Variants in TAFA1 observed in about 807,000 individuals in gnomAD.
TAFA1 encodes chemokine-like protein TAFA-1.
Under a neutral mutation model 18.5 loss-of-function variants are expected in TAFA1, and 4 were observed. The observed-to-expected ratio is 0.22, with a 90% CI of 0.11 to 0.49. TAFA1 has a LOEUF of 0.49. Ranked by LOEUF, TAFA1 falls within the 20% of genes least tolerant of loss-of-function variation. TAFA1 has a pLI of 0.98. For synonymous variants in TAFA1, 56 were observed against 55.2 expected, an observed-to-expected ratio of 1.01 and a Z score of -0.06; for missense variants, 147 against 169.0, an observed-to-expected ratio of 0.87 and a Z score of 0.72.
intron 2 of TAFA1, among the ~76,000 whole-genome samples, chr3:68,402,045 T>A (rs2070504049): frequency 6.6e-6 from 1 of 152,216 alleles, no homozygotes; most frequent in Non-Finnish European, 1.5e-5. Context: ...TAAAAACTCA[T>A]TCTACATTCT....
chr3:68,433,931 C>T (rs1331198509), intron 3 of TAFA1, among the ~76,000 whole-genome samples: 1 of 152,056 alleles, frequency 6.6e-6, no homozygotes, highest in Non-Finnish European at 1.5e-5. Context: ...AGGAACAATT[C>T]CCAGACTTAC....
chr3:68,449,110 T>TA, intron 3 of TAFA1, among the ~76,000 whole-genome samples: 1 of 152,124 alleles, frequency 6.6e-6, no homozygotes, highest in Non-Finnish European at 1.5e-5. Flanking sequence ...GAAAAACAGA[T>TA]ACATCTCCAC....
intron 2 of TAFA1, among the ~76,000 whole-genome samples, chr3:68,069,359 A>G (rs762791514): frequency 1.3e-4 from 20 of 152,328 alleles, no homozygotes; most frequent in Middle Eastern, 6.8e-3. Context: ...AGTCCCCCTT[A>G]TAGAACCATC....
chr3:68,531,433 T>C (rs991131356), intron 3 of TAFA1, among the ~76,000 whole-genome samples: 2 of 150,548 alleles, frequency 1.3e-5, no homozygotes, highest in African/African-American at 5.0e-5. Context: ...GACCTTTGAC[T>C]TGGGGTTTTA....
At position 68,318,563 on chromosome 3, in the gene TAFA1, C is replaced by G. The variant is rs547667047; in HGVS notation, c.119-98717C>G. The stretch of plus-strand genomic sequence containing the variant: ...CATTCCTACAGTCTTGACCAGAATC[C>G]AGCTCTCCTGACCGTCCATCAAATC... On this transcript the variant is annotated intron_variant, in intron 2 of 4. Transcript: ENST00000478136. Among the ~76,000 whole-genome samples the G allele has an allele frequency of 2.6e-5, 4 of 152,272 alleles. No homozygotes were observed. The South Asian group carries it at 8.3e-4, about 32-fold the overall frequency.
At chr3:68,417,062 G>A (rs2070853275) in intron 2 of TAFA1, among the ~76,000 whole-genome samples, 1 of 152,170 alleles carries the variant, frequency 6.6e-6, no homozygotes, top group African/African-American at 2.4e-5. Flanking sequence ...GCCACATCTT[G>A]AGGGCTATCC....
At chr3:68,126,398 A>G (rs2065465335) in intron 2 of TAFA1, among the ~76,000 whole-genome samples, 1 of 152,190 alleles carries the variant, frequency 6.6e-6, no homozygotes, top group Non-Finnish European at 1.5e-5. Context: ...CAATGTGGTA[A>G]AGGATGTCAA....
At chr3:68,519,827 C>G (rs1054011355) in intron 3 of TAFA1, among the ~76,000 whole-genome samples, 1 of 152,190 alleles carries the variant, frequency 6.6e-6, no homozygotes, top group African/African-American at 2.4e-5. Flanking sequence ...CCCAAACACC[C>G]TATCTCCTAA....
chr3:68,183,437 T>G (rs2066231454), intron 2 of TAFA1, among the ~76,000 whole-genome samples: 1 of 152,180 alleles, frequency 6.6e-6, no homozygotes, highest in South Asian at 2.1e-4. Flanking sequence ...TAGTGAGGTA[T>G]AAAAGTGAGG....
intron 2 of TAFA1, among the ~76,000 whole-genome samples, chr3:68,412,846 T>C (rs1177417785): frequency 1.3e-5 from 2 of 152,134 alleles, no homozygotes; most frequent in Non-Finnish European, 2.9e-5. Context: ...TACGTGTGCA[T>C]GTGTCTTTAT....
intron 3 of TAFA1, among the ~76,000 whole-genome samples, chr3:68,467,552 T>A (rs1485249616): frequency 5.3e-5 from 8 of 152,034 alleles, no homozygotes; most frequent in Non-Finnish European, 1.0e-4. Context: ...TGCAAGGGGG[T>A]CTTGGACTCG....
intron 2 of TAFA1, among the ~76,000 whole-genome samples, chr3:68,329,216 C>CTTTTTTTTTTTTTTTTTTTT (rs10681423): frequency 2.6e-4 from 23 of 88,998 alleles, no homozygotes; most frequent in South Asian, 6.4e-4. Context: ...GCCTGGCTGC[C>CTTTTTTTTTTTTTTTTTTTT]TTTTTTTTTT....
rs774057618 is a variant in TAFA1 at position 68,436,810 on chromosome 3, C to A, written c.259+19390C>A. Among the ~76,000 whole-genome samples the A allele has an allele frequency of 1.6e-4, 25 of 152,122 alleles. 1 individual carries two copies. Among genetic ancestry groups the A allele is most frequent in the Non-Finnish European group, 2.6e-4 (18 of 68,026 alleles). ...ACAGCGAGTCACTGGTTATGAATAACCCCTGGCACTCAGGAAGGCAGATGC... is the reference window on the plus strand; with the variant it reads ...ACAGCGAGTCACTGGTTATGAATAAACCCTGGCACTCAGGAAGGCAGATGC... On this transcript the variant is annotated intron_variant, in intron 3 of 4. Transcript: ENST00000478136.
intron 2 of TAFA1, among the ~76,000 whole-genome samples, chr3:68,323,197 C>T (rs910559796): frequency 3.7e-4 from 56 of 152,308 alleles, no homozygotes; most frequent in African/African-American, 1.2e-3. Context: ...TAGACCCAGG[C>T]GAACTAAACA....
intron 2 of TAFA1, among the ~76,000 whole-genome samples, chr3:68,223,474 G>A (rs1274667673): frequency 6.6e-6 from 1 of 151,838 alleles, no homozygotes; most frequent in Middle Eastern, 3.2e-3. Flanking sequence ...CAGAATATGT[G>A]TGTGTGTATA....
intron 2 of TAFA1, among the ~76,000 whole-genome samples, chr3:68,269,086 CT>C (rs1386605125): frequency 1.3e-5 from 2 of 152,086 alleles, no homozygotes; most frequent in African/African-American, 4.8e-5. Context: ...AAAGAACAAA[CT>C]TTTGCTGAAC....
Position 68,544,782 on chromosome 3 carries a change from A to G in TAFA1, c.*279A>G. ...ATCAACTATCTTCTAATTTGAATCT[A>G]TAGTTACTTTGTACCATTTGAAATA... On this transcript the variant is annotated 3_prime_UTR_variant, in exon 5 of 5. Transcript: ENST00000478136. 3.8e-6 allele frequency: 1 copy of G among 263,906 alleles called. No individual in the cohort carries two copies. The highest frequency in any genetic ancestry group is 7.3e-5 in the South Asian group (1 of 13,626). The allele number at this position is 263,906 out of a possible 1,614,324, so 16.3% of individuals were successfully genotyped here.
Position 68,536,681 on chromosome 3 carries a change from G to A in TAFA1, c.260-2075G>A, listed in dbSNP as rs1038521042. On this transcript the variant is annotated intron_variant, in intron 3 of 4. Coordinates refer to ENST00000478136, the MANE Select transcript of TAFA1 (RefSeq NM_213609.4). ...AATATAGAGTTTCTTGATTTGCATT[G>A]AGTGAATCTAGTCACTGGTTTTATA... 1.3e-5 allele frequency among the ~76,000 whole-genome samples: 2 copies of A among 152,306 alleles called. 1 individual carries two copies. The highest frequency in any genetic ancestry group is 4.1e-4 in the South Asian group (2 of 4,826).
intron 2 of TAFA1, among the ~76,000 whole-genome samples, chr3:68,065,459 A>G (rs138469103): frequency 6.0e-4 from 91 of 152,286 alleles, no homozygotes; most frequent in African/African-American, 2.0e-3. Flanking sequence ...AACGACTGAT[A>G]GGGTCCCAGT....
Sources: allele counts gnomAD v4.1 joint callset (sites outside exome capture counted in the v4.1 genomes callset), GRCh38; gene constraint gnomAD v4.1.1; transcripts MANE v1.5; gene names NCBI Gene and HGNC (gene_info 2026-07-23, HGNC 2026-07-21).